The following LPP variants were observed in gnomAD, a reference collection of about 807,000 sequenced individuals.
LPP encodes the protein LIM domain containing preferred translocation partner in lipoma, also known as lipoma-preferred partner.
Under a neutral mutation model 60.4 loss-of-function variants are expected in LPP, and 38 were observed. The observed-to-expected ratio is 0.63, with a 90% CI of 0.49 to 0.83. LPP has a LOEUF of 0.83. Among genes scored for constraint, LPP ranks in the 40% least tolerant of loss-of-function variants. The pLI is 0.00. For synonymous variants in LPP, 328 were observed against 290.8 expected (o/e 1.13, Z -1.30); for missense variants, 902 against 783.6 (o/e 1.15, Z -1.80).
chr3:188,484,183 A>G (rs532664015), intron 4 of LPP, among the ~76,000 whole-genome samples: 1 of 152,250 alleles, frequency 6.6e-6, no homozygotes, highest in Admixed American at 6.5e-5. Flanking sequence ...CTTAATTTCC[A>G]GAGGTTATTC....
At chr3:188,724,606 G>A (rs1717683027) in intron 8 of LPP, among the ~76,000 whole-genome samples, 1 of 152,066 alleles carries the variant, frequency 6.6e-6, no homozygotes. Flanking sequence ...GGCGATTTCT[G>A]ACCGTAATTT....
chr3:188,780,909 G>A (rs1205713227), intron 9 of LPP, among the ~76,000 whole-genome samples: 1 of 152,204 alleles, frequency 6.6e-6, no homozygotes, highest in Non-Finnish European at 1.5e-5. Flanking sequence ...GACACTTTCA[G>A]CTATTAGGCA....
chr3:188,605,360 T>C (rs1481739473), intron 6 of LPP, among the ~76,000 whole-genome samples: 2 of 152,142 alleles, frequency 1.3e-5, no homozygotes, highest in Admixed American at 1.3e-4. Context: ...GAATGGAAAG[T>C]AGGCAGTCTC....
chr3:188,371,216 T>G (rs1772970566), intron 3 of LPP, among the ~76,000 whole-genome samples: 1 of 152,170 alleles, frequency 6.6e-6, no homozygotes, highest in Non-Finnish European at 1.5e-5. Context: ...CTATCATGAA[T>G]AGCCTGTCCA....
At chr3:188,453,655 A>G (rs971111260) in intron 4 of LPP, among the ~76,000 whole-genome samples, 2 of 152,048 alleles carry the variant, frequency 1.3e-5, no homozygotes, top group Non-Finnish European at 2.9e-5. Context: ...CTCTCAGTCC[A>G]GAATACATTT....
intron 9 of LPP, among the ~76,000 whole-genome samples, chr3:188,780,524 G>C (rs1739297262): frequency 6.6e-6 from 1 of 152,168 alleles, no homozygotes; most frequent in Non-Finnish European, 1.5e-5. Context: ...TGTGAAGTTG[G>C]GGAAGGAATT....
intron 9 of LPP, among the ~76,000 whole-genome samples, chr3:188,835,183 G>A (rs543077067): frequency 3.3e-5 from 5 of 151,922 alleles, no homozygotes; most frequent in East Asian, 1.9e-4. Context: ...CTATGGCCAG[G>A]CGCGGTGGCT....
intron 9 of LPP, among the ~76,000 whole-genome samples, chr3:188,766,889 C>T (rs893704302): frequency 1.3e-5 from 2 of 152,150 alleles, no homozygotes; most frequent in African/African-American, 2.4e-5. Flanking sequence ...TGTAACCACA[C>T]ATCTGTATAC....
intron 4 of LPP, among the ~76,000 whole-genome samples, chr3:188,482,040 A>G (rs140384970): frequency 1.5e-4 from 23 of 152,260 alleles, no homozygotes; most frequent in Non-Finnish European, 2.2e-4. Context: ...TGCTGTTCTC[A>G]TGATAGTGAG....
chr3:188,269,251 A>T (rs1736756838), intron 2 of LPP, among the ~76,000 whole-genome samples: 2 of 152,212 alleles, frequency 1.3e-5, no homozygotes, highest in Admixed American at 6.5e-5. Context: ...TATGAGCTCC[A>T]TGTTGAAATT....
intron 9 of LPP, among the ~76,000 whole-genome samples, chr3:188,780,763 C>G (rs892143174): frequency 6.6e-6 from 1 of 152,176 alleles, no homozygotes; most frequent in Non-Finnish European, 1.5e-5. Flanking sequence ...GTTTCTGGAT[C>G]CATGTCTTTA....
At chr3:188,179,770 T>A (rs1724366838) in intron 1 of LPP, 2 of 314,802 alleles carry the variant, frequency 6.4e-6, no homozygotes. Flanking sequence ...GCTTCCCCTC[T>A]CCCCCTGAGT....
intron 5 of LPP, among the ~76,000 whole-genome samples, chr3:188,515,697 T>G (rs57145745): frequency 2.0e-5 from 3 of 152,234 alleles, no homozygotes; most frequent in Admixed American, 6.5e-5. Flanking sequence ...GCCTTTAACA[T>G]GTGGAGAAGA....
In LPP at chr3:188,292,840, C is replaced by A. The variant is rs376750030; in HGVS notation, c.-66-48823C>A. Among the ~76,000 whole-genome samples, 103 of 152,308 alleles carry A rather than the reference C, an allele frequency of 6.8e-4. 1 individual carries two copies. In the South Asian group the frequency reaches 0.014, roughly 21 times the overall value. ...ACAGATGACCTCCTTGACCCCTTGACTTTCCATTTTTGATGGTTTCTTTTG... is the reference window on the plus strand; with the variant it reads ...ACAGATGACCTCCTTGACCCCTTGAATTTCCATTTTTGATGGTTTCTTTTG... On this transcript the variant is annotated intron_variant, in intron 2 of 11. Transcript: ENST00000617246.
chr3:188,203,568 T>TAAA (rs1732165791), intron 1 of LPP, among the ~76,000 whole-genome samples: 1 of 102,052 alleles, frequency 9.8e-6, no homozygotes, highest in Non-Finnish European at 1.8e-5. Flanking sequence ...TATATATAAA[T>TAAA]ATATATTTAA....
intron 6 of LPP, among the ~76,000 whole-genome samples, chr3:188,550,259 A>G (rs979969626): frequency 2.0e-5 from 3 of 152,174 alleles, no homozygotes; most frequent in African/African-American, 7.2e-5. Context: ...GAAAAATAAT[A>G]CAGGATCTAA....
chr3:188,376,406 A>G lies in LPP; in HGVS notation c.-9-29706A>G, dbSNP rs148501576. ...GGGTGCTCCTATATTGGGTGCATAT[A>G]TATTTAGGATAGTTAGCTCTTCTTG... On this transcript the variant is annotated intron_variant, in intron 3 of 11. Coordinates refer to ENST00000617246, the MANE Select transcript of LPP (RefSeq NM_001375462.1). 7.6e-3 allele frequency among the ~76,000 whole-genome samples: 1,161 copies of G among 152,232 alleles called. 11 individuals are homozygous for G. The highest frequency in any genetic ancestry group is 0.026 in the African/African-American group (1,088 of 41,532).
At chr3:188,465,077 A>T (rs1030733297) in intron 4 of LPP, among the ~76,000 whole-genome samples, 1 of 152,054 alleles carries the variant, frequency 6.6e-6, no homozygotes, top group South Asian at 2.1e-4. Flanking sequence ...AATTAGGATA[A>T]TAGGATGACA....
At chr3:188,427,781 C>T (rs1789803804) in intron 4 of LPP, among the ~76,000 whole-genome samples, 1 of 152,158 alleles carries the variant, frequency 6.6e-6, no homozygotes, top group Non-Finnish European at 1.5e-5. Context: ...TGGAGCATCC[C>T]AGGTCAACTT....
Sources: allele counts gnomAD v4.1 joint callset (sites outside exome capture counted in the v4.1 genomes callset), GRCh38; gene constraint gnomAD v4.1.1; transcripts MANE v1.5; gene names NCBI Gene and HGNC (gene_info 2026-07-23, HGNC 2026-07-21).